MSN: variants seen among roughly 807,000 people sequenced by gnomAD.
MSN encodes moesin.
A neutral mutation model predicts 48.0 loss-of-function variants in MSN; 2 were observed. The observed-to-expected ratio is 0.04, with a 90% CI of 0.02 to 0.13. The LOEUF is 0.13. MSN is among the 10% of genes least tolerant of loss of function. MSN has a pLI of 1.00. For missense variants in MSN, 267 were observed against 470.1 expected, an observed-to-expected ratio of 0.57 and a Z score of 3.99; for synonymous variants, 146 against 166.9, an observed-to-expected ratio of 0.87 and a Z score of 0.97.
chrX:65,695,189 T>C (rs1282056715), intron 1 of MSN, among the ~76,000 whole-genome samples: 1 of 109,892 alleles, frequency 9.1e-6, no homozygotes, highest in Non-Finnish European at 1.9e-5. Context: ...GGTAGGCAGG[T>C]TATCCATGTG....
intron 12 of MSN, 151 bp downstream of exon 12, chrX:65,739,345 A>G (rs1341815585): frequency 1.8e-6 from 1 of 544,097 alleles, no homozygotes; most frequent in East Asian, 3.6e-5. Context: ...CTTTAAGGAT[A>G]GGCACCTCTC....
intron 1 of MSN, among the ~76,000 whole-genome samples, chrX:65,655,145 T>G (rs1322391417): frequency 1.8e-5 from 2 of 111,432 alleles, no homozygotes; most frequent in Non-Finnish European, 3.8e-5. Context: ...TAAAGTCAGA[T>G]AGTTGAATGA....
chrX:65,637,505 T>A (rs1227809753), intron 1 of MSN, among the ~76,000 whole-genome samples: 1 of 110,806 alleles, frequency 9.0e-6, no homozygotes, highest in Admixed American at 9.6e-5. Context: ...CCTCTCTGAC[T>A]TAATCTCCTA....
chrX:65,639,145 C>CT (rs1001247787), intron 1 of MSN, among the ~76,000 whole-genome samples: 17 of 111,220 alleles, frequency 1.5e-4, no homozygotes, highest in African/African-American at 3.3e-4. Flanking sequence ...AGTTCATTTT[C>CT]TTTTTTTTCT....
chrX:65,733,326 T>C, intron 7 of MSN, 46 bp downstream of exon 7: 1 of 987,856 alleles, frequency 1.0e-6, no homozygotes, highest in Non-Finnish European at 1.4e-6. Flanking sequence ...TGCCAAGGCC[T>C]GCATAATGAG....
intron 1 of MSN, among the ~76,000 whole-genome samples, chrX:65,606,157 G>T (rs2070277448): frequency 9.6e-6 from 1 of 104,504 alleles, no homozygotes; most frequent in African/African-American, 3.5e-5. Flanking sequence ...TTGAGACAGA[G>T]TCTCGCTCTG....
intron 1 of MSN, among the ~76,000 whole-genome samples, chrX:65,669,041 TG>T (rs1256598080): frequency 8.9e-6 from 1 of 111,855 alleles, no homozygotes; most frequent in African/African-American, 3.3e-5. Flanking sequence ...GCCACGTTAC[TG>T]TATACCAGCC....
rs375113515 is a variant in MSN at position 65,674,874 on chromosome X, T to A, written c.12+7021T>A. ...TGGAACTAGACTGCCTGGACTCAAA[T>A]CTAGCTCTGCGACCAACTAGTTATA... On this transcript the variant is annotated intron_variant, in intron 1 of 12. Transcript: ENST00000360270. Among the ~76,000 whole-genome samples the A allele has an allele frequency of 9.1e-4, 102 of 111,846 alleles. 1 individual carries two copies. In the South Asian group the frequency reaches 0.028, roughly 31 times the overall value.
rs769730532 is a variant in MSN, at chrX:65,623,355, TTTTC to T, written c.-22+34751_-22+34754del. Among the ~76,000 whole-genome samples the T allele has an allele frequency of 4.1e-3, 407 of 98,240 alleles. 4 individuals carry two copies. Among genetic ancestry groups the T allele is most frequent in the Non-Finnish European group, 5.9e-3 (309 of 52,600 alleles). The allele number at this position is 98,240 out of a possible 115,157, so 85.3% of individuals were successfully genotyped here. A position where few individuals can be genotyped will look rare whatever the true frequency, so the allele number is the denominator to read the frequency against. ...AGCCTGTAATTTCTTTCTTTCTTTT[TTTTC>T]TTTCTTTTCTTTTTTTTTTTTTTTT... On this transcript the variant is annotated intron_variant, in intron 1 of 3. Transcript: ENST00000609672.
intron 1 of MSN, among the ~76,000 whole-genome samples, chrX:65,591,712 C>T (rs1190846233): frequency 8.9e-6 from 1 of 111,832 alleles, no homozygotes; most frequent in Non-Finnish European, 1.9e-5. Flanking sequence ...GCTAGCTAGG[C>T]TTCAGCTTTC....
upstream of MSN, among the ~76,000 whole-genome samples, chrX:65,666,635 G>T (rs867991586): frequency 3.1e-4 from 34 of 110,228 alleles, no homozygotes; most frequent in African/African-American, 1.1e-3. Context: ...TATTTTTTTT[G>T]TATAGATATG....
intron 7 of MSN, among the ~76,000 whole-genome samples, chrX:65,734,730 C>A (rs1029120606): frequency 8.9e-6 from 1 of 111,975 alleles, no homozygotes; most frequent in Admixed American, 9.5e-5. Context: ...AAGCAGTGAT[C>A]AGGAGATTTA....
rs958915930 is a variant in MSN at position 65,599,137 on chromosome X, A to G, written c.-22+10525A>G. Among the ~76,000 whole-genome samples, 19 of 109,785 alleles carry G rather than the reference A, an allele frequency of 1.7e-4. 1 individual carries two copies. Among genetic ancestry groups the G allele is most frequent in the Admixed American group, 3.9e-4 (4 of 10,212 alleles). ...ACTGTGTCTACTAAAAATTAAAAAA[A>G]AAAAAAAATTAACTGGGGATGGTAA... On this transcript the variant is annotated intron_variant, in intron 1 of 3. Transcript: ENST00000609672.
At position 65,674,266 on chromosome X, in the gene MSN, C is replaced by T. The variant is rs776302272; in HGVS notation, c.12+6413C>T. On this transcript the variant is annotated intron_variant, in intron 1 of 12. Transcript: ENST00000360270. ...GTAATTTCTTCATCGTATTCATAGC[C>T]AGAGGGGTTAGGCAGCTTGTTCGAG... is the stretch of plus-strand genomic sequence containing the variant. Among the ~76,000 whole-genome samples the T allele has an allele frequency of 2.7e-5, 3 of 111,264 alleles. No homozygotes were observed. In the South Asian group the frequency reaches 1.1e-3, roughly 42 times the overall value.
chrX:65,610,297 T>C (rs1274053688), intron 1 of MSN, among the ~76,000 whole-genome samples: 1 of 112,310 alleles, frequency 8.9e-6, no homozygotes, highest in East Asian at 2.8e-4. Context: ...ACTTCTAATC[T>C]ACTTTCTGTC....
intron 1 of MSN, among the ~76,000 whole-genome samples, chrX:65,657,617 C>A (rs963349031): frequency 1.8e-5 from 2 of 111,988 alleles, no homozygotes; most frequent in African/African-American, 6.5e-5. Flanking sequence ...ACTTTGTCCT[C>A]TCATGGTGGT....
At chrX:65,691,467 A>G (rs1280972470) in intron 1 of MSN, among the ~76,000 whole-genome samples, 1 of 111,651 alleles carries the variant, frequency 9.0e-6, no homozygotes, top group Non-Finnish European at 1.9e-5. Flanking sequence ...TCAGGTGTAT[A>G]TACTTTCACA....
intron 1 of MSN, among the ~76,000 whole-genome samples, chrX:65,694,332 ATT>A (rs1186909256): frequency 2.0e-5 from 2 of 101,335 alleles, no homozygotes. Context: ...TCTCTTTAAG[ATT>A]TTTTTTTTTT....
chrX:65,716,771 G>T (rs888768611), intron 1 of MSN, 47 bp from the exon 2 acceptor site: 11 of 1,093,955 alleles, frequency 1.0e-5, no homozygotes, highest in Non-Finnish European at 1.3e-5. Context: ...AGGCTCTGTT[G>T]AACACAGAGC....
Sources: gnomAD v4.1 joint callset for allele counts (sites outside exome capture counted in the v4.1 genomes callset) on GRCh38, gnomAD v4.1.1 for gene constraint, MANE v1.5 for transcripts, NCBI Gene and HGNC (gene_info 2026-07-23, HGNC 2026-07-21) for gene names.